DLG2: variants seen among roughly 807,000 people sequenced by gnomAD.
DLG2 encodes the protein disks large homolog 2.
In DLG2, 45 loss-of-function variants were observed where a neutral mutation model predicts 132.5. The ratio of observed to expected loss-of-function variants is 0.34; its 90% CI spans 0.27 to 0.44. DLG2 has a LOEUF of 0.44. DLG2 is among the 20% of genes least tolerant of loss of function. The pLI is 1.00. For missense variants in DLG2, 1,045 were observed against 1,196.9 expected, an observed-to-expected ratio of 0.87 and a Z score of 1.87; for synonymous variants, 424 against 419.6, an observed-to-expected ratio of 1.01 and a Z score of -0.13.
At chr11:83,859,983 G>A (rs2061182282) in intron 16 of DLG2, among the ~76,000 whole-genome samples, 1 of 152,212 alleles carries the variant, frequency 6.6e-6, no homozygotes, top group African/African-American at 2.4e-5. Context: ...CTTCCATGTG[G>A]TGTTGAGCCT....
intron 6 of DLG2, among the ~76,000 whole-genome samples, chr11:85,000,577 C>A (rs1388350811): frequency 6.6e-6 from 1 of 152,068 alleles, no homozygotes; most frequent in African/African-American, 2.4e-5. Flanking sequence ...ATGTGAATAC[C>A]ATTTTTTAGG....
chr11:84,887,225 A>G (rs2088487984), intron 6 of DLG2: 1 of 152,126 alleles, frequency 6.6e-6, no homozygotes, highest in Admixed American at 6.6e-5. Flanking sequence ...TTAATCATAA[A>G]TTGCTCTACA....
chr11:83,678,991 A>G (rs1305074436), intron 18 of DLG2, among the ~76,000 whole-genome samples: 1 of 152,134 alleles, frequency 6.6e-6, no homozygotes. Context: ...GGGATTAAAC[A>G]TATGAGGAGA....
chr11:84,168,299 T>C (rs1422500799), intron 8 of DLG2, among the ~76,000 whole-genome samples: 1 of 152,248 alleles, frequency 6.6e-6, no homozygotes, highest in Non-Finnish European at 1.5e-5. Flanking sequence ...ATCTATTTAC[T>C]CTTTGTCGTT....
intron 8 of DLG2, among the ~76,000 whole-genome samples, chr11:84,183,755 G>A (rs1310664883): frequency 6.6e-6 from 1 of 152,142 alleles, no homozygotes; most frequent in East Asian, 1.9e-4. Context: ...GCCCCGGTGT[G>A]TGATGTTCCC....
chr11:85,265,132 TC>T (rs1225684146), intron 4 of DLG2, among the ~76,000 whole-genome samples: 3 of 152,224 alleles, frequency 2.0e-5, no homozygotes, highest in Non-Finnish European at 4.4e-5. Flanking sequence ...AGATGCCTTC[TC>T]TGAGAAGCCC....
intron 4 of DLG2, among the ~76,000 whole-genome samples, chr11:85,279,862 C>T (rs1012476862): frequency 3.3e-5 from 5 of 152,010 alleles, no homozygotes; most frequent in Admixed American, 1.3e-4. Flanking sequence ...TCTTCTGGAG[C>T]CTCACCAAAA....
intron 9 of DLG2, among the ~76,000 whole-genome samples, chr11:84,118,365 C>T (rs2093739212): frequency 6.6e-6 from 1 of 152,154 alleles, no homozygotes; most frequent in South Asian, 2.1e-4. Flanking sequence ...ATGGTTTCTC[C>T]TTAATTCCCT....
intron 6 of DLG2, among the ~76,000 whole-genome samples, chr11:84,593,277 G>A (rs1156260641): frequency 2.0e-5 from 3 of 152,146 alleles, no homozygotes; most frequent in South Asian, 2.1e-4. Context: ...CCATTTGACC[G>A]CCAATCCCAT....
chr11:83,550,276 G>C (rs1238041338), intron 19 of DLG2, among the ~76,000 whole-genome samples: 1 of 152,160 alleles, frequency 6.6e-6, no homozygotes, highest in Non-Finnish European at 1.5e-5. Context: ...TATAATCAGG[G>C]AAGAAGCATA....
At chr11:83,925,778 AAATGT>A (rs1232500500) in intron 15 of DLG2, among the ~76,000 whole-genome samples, 1 of 152,180 alleles carries the variant, frequency 6.6e-6, no homozygotes, top group African/African-American at 2.4e-5. Context: ...AAGGACAAAT[AAATGT>A]ATGCCATAAA....
intron 19 of DLG2, among the ~76,000 whole-genome samples, chr11:83,606,560 G>C (rs942370187): frequency 2.3e-4 from 35 of 152,092 alleles, no homozygotes; most frequent in African/African-American, 8.0e-4. Flanking sequence ...ACAGTTGTCA[G>C]GGTCTTCACG....
At chr11:85,266,205 G>C (rs1517309) in intron 4 of DLG2, among the ~76,000 whole-genome samples, 8,246 of 152,314 alleles carry the variant, frequency 0.054, 265 homozygotes, top group Middle Eastern at 0.16. Context: ...CATGGAATTT[G>C]CTCCTGTAAG....
intron 7 of DLG2, among the ~76,000 whole-genome samples, chr11:84,252,136 C>CT (rs2097388683): frequency 4.9e-5 from 5 of 101,062 alleles, no homozygotes; most frequent in African/African-American, 1.9e-4. Flanking sequence ...TATTTTCTTT[C>CT]TTTCTTTTTT....
chr11:85,165,404 A>G (rs2078366835), intron 4 of DLG2, among the ~76,000 whole-genome samples: 1 of 152,208 alleles, frequency 6.6e-6, no homozygotes. Flanking sequence ...AATCAAACTG[A>G]CCTTTAAAAT....
intron 7 of DLG2, among the ~76,000 whole-genome samples, chr11:84,311,622 G>A (rs920797691): frequency 3.3e-5 from 5 of 152,208 alleles, no homozygotes; most frequent in African/African-American, 7.2e-5. Flanking sequence ...TAGAAAACCA[G>A]CTGTCTTACA....
At chr11:85,271,517 A>C (rs2077528608) in intron 4 of DLG2, among the ~76,000 whole-genome samples, 2 of 152,224 alleles carry the variant, frequency 1.3e-5, no homozygotes, top group African/African-American at 2.4e-5. Flanking sequence ...ATCCACCCAC[A>C]GCTTGCACCG....
chr11:84,565,917 A>T (rs919522279), intron 6 of DLG2, among the ~76,000 whole-genome samples: 13 of 151,810 alleles, frequency 8.6e-5, no homozygotes, highest in Non-Finnish European at 2.9e-5. Flanking sequence ...TATTATTGAC[A>T]CCAACATAAC....
chr11:83,747,428 T>C (rs2093005370), intron 18 of DLG2, among the ~76,000 whole-genome samples: 1 of 151,730 alleles, frequency 6.6e-6, no homozygotes, highest in Admixed American at 6.6e-5. Flanking sequence ...TGGAGTGCAG[T>C]GGTACAATTC....
Sources: allele counts gnomAD v4.1 joint callset (sites outside exome capture counted in the v4.1 genomes callset), GRCh38; gene constraint gnomAD v4.1.1; transcripts MANE v1.5; gene names NCBI Gene and HGNC (gene_info 2026-07-23, HGNC 2026-07-21).